Variants in FGD4 observed in about 807,000 individuals in gnomAD.
FGD4 encodes the protein FYVE, RhoGEF and PH domain-containing protein 4.
FGD4 carries 42 observed loss-of-function variants against 102.0 expected under a neutral mutation model. The ratio of observed to expected loss-of-function variants is 0.41; its 90% CI spans 0.32 to 0.53. The LOEUF is 0.53. FGD4 is among the 20% of genes least tolerant of loss of function. The pLI is 0.21. For missense variants in FGD4, 902 were observed against 1,078.2 expected, an observed-to-expected ratio of 0.84 and a Z score of 2.29; for synonymous variants, 380 against 375.7, an observed-to-expected ratio of 1.01 and a Z score of -0.13.
intron 1 of FGD4, among the ~76,000 whole-genome samples, chr12:32,556,251 A>AT (rs1036850929): frequency 5.9e-5 from 9 of 151,948 alleles, no homozygotes; most frequent in Non-Finnish European, 1.0e-4. Flanking sequence ...ATGCTTTAAA[A>AT]TTTTTTTTAA....
chr12:32,419,510 G>T (rs1000223839), intron 1 of FGD4, among the ~76,000 whole-genome samples: 1 of 152,166 alleles, frequency 6.6e-6, no homozygotes, highest in Non-Finnish European at 1.5e-5. Context: ...TCCCCACCAC[G>T]CAGCCACTGC....
intron 4 of FGD4, among the ~76,000 whole-genome samples, chr12:32,583,675 G>T (rs1340306933): frequency 1.3e-5 from 2 of 152,210 alleles, no homozygotes; most frequent in Non-Finnish European, 1.5e-5. Flanking sequence ...AGCTAAGAAA[G>T]AGCTGATTTG....
Position 32,399,597 on chromosome 12 carries a change from C to G in FGD4, c.-197C>G. On this transcript the variant is annotated 5_prime_UTR_variant, in exon 1 of 17. Coordinates refer to ENST00000534526, the MANE Select transcript of FGD4 (RefSeq NM_001370298.3). ...GCTGCGACTGCCGCAGGAGTCGCCG[C>G]AGCCAAACTCGCCGCGACGCCGGGA... The G allele has an allele frequency of 7.4e-7, 1 of 1,353,170 alleles. No homozygotes were observed. The highest frequency in any genetic ancestry group is 9.6e-7 in the Non-Finnish European group (1 of 1,041,782). 83.8% of individuals were successfully genotyped at this position (1,353,170 alleles called of 1,614,324 possible).
At chr12:32,438,655 G>A (rs1270071225) in intron 1 of FGD4, among the ~76,000 whole-genome samples, 1 of 151,148 alleles carries the variant, frequency 6.6e-6, no homozygotes, top group South Asian at 2.1e-4. Context: ...TGTCACCCAG[G>A]CTGGAGTGCA....
chr12:32,473,884 G>A (rs577703263), intron 1 of FGD4, among the ~76,000 whole-genome samples: 38 of 152,086 alleles, frequency 2.5e-4, no homozygotes, highest in African/African-American at 8.4e-4. Flanking sequence ...TCAGGAGATC[G>A]AGACCATCAT....
intron 1 of FGD4, among the ~76,000 whole-genome samples, chr12:32,535,067 C>G (rs191858104): frequency 1.6e-4 from 25 of 152,232 alleles, no homozygotes; most frequent in Non-Finnish European, 3.2e-4. Context: ...CCACTGTGGT[C>G]TCTTTGAGTG....
At chr12:32,418,535 TTCTCTTC>T (rs1941509641) in intron 1 of FGD4, among the ~76,000 whole-genome samples, 2 of 152,152 alleles carry the variant, frequency 1.3e-5, no homozygotes, top group Admixed American at 1.3e-4. Context: ...GAGACTCTTG[TTCTCTTC>T]CTTTATTTTC....
intron 1 of FGD4, among the ~76,000 whole-genome samples, chr12:32,535,851 T>C (rs1023477852): frequency 2.0e-5 from 3 of 151,966 alleles, no homozygotes; most frequent in African/African-American, 7.3e-5. Context: ...GCTTGAGAGG[T>C]GAATGTTGAT....
At chr12:32,512,964 T>C (rs558482656) in intron 1 of FGD4, among the ~76,000 whole-genome samples, 2 of 152,336 alleles carry the variant, frequency 1.3e-5, no homozygotes, top group African/African-American at 2.4e-5. Context: ...GGTAGATTTA[T>C]ATACTTATCC....
chr12:32,576,782 C>T (rs1946161823), intron 3 of FGD4, among the ~76,000 whole-genome samples: 3 of 152,074 alleles, frequency 2.0e-5, no homozygotes, highest in African/African-American at 7.2e-5. Flanking sequence ...TTCTGTGGGA[C>T]GCTCAATATC....
chr12:32,422,997 C>T (rs373572036), intron 1 of FGD4, among the ~76,000 whole-genome samples: 20 of 152,062 alleles, frequency 1.3e-4, no homozygotes, highest in African/African-American at 4.1e-4. Context: ...GGGGGAGTGA[C>T]GATTTAAACC....
rs773609461 is a variant in FGD4, at chr12:32,602,176, A to G, written c.1263A>G (p.Arg421=). ...KRMQEWETTP[R]IGDILQKLAP... ...TTTGATACAGGGAAACTACTCCTAG[A>G]ATTGGAGACATCCTTCAGAAATTGG... The change falls in exon 7 of 17, where the codon AGA becomes AGG. Residue 421 remains arginine (R), a synonymous_variant. Coordinates refer to ENST00000534526, the MANE Select transcript of FGD4 (RefSeq NM_001370298.3). 61 of 1,613,958 alleles carry G rather than the reference A, an allele frequency of 3.8e-5. No individual in the cohort carries two copies. Among genetic ancestry groups the G allele is most frequent in the Non-Finnish European group, 4.9e-5 (58 of 1,180,024 alleles).
In FGD4 at chr12:32,564,149, G is replaced by A; in HGVS notation, c.179G>A (p.Cys60Tyr). 1 of 1,535,962 alleles carries A rather than the reference G, an allele frequency of 6.5e-7. No individual in the cohort carries two copies. The highest frequency in any genetic ancestry group is 8.7e-7 in the Non-Finnish European group (1 of 1,146,812). ...TGAACTCTTGCAGGCAGCAGTACCT[G>A]TCCAAAGATCGCTTTAGTTCCACCT... ...VPSGATGSSTCPKIALVPPCS... is the reference protein window; with the variant it reads ...VPSGATGSSTYPKIALVPPCS... Residue 60 changes from cysteine to tyrosine, a missense_variant, in exon 2 of 17, where the codon TGT becomes TAT. By Grantham distance (194) the Cys-to-Tyr change is radical. Around this residue, in one of 2 missense-constraint regions of FGD4, gnomAD observed 443 missense variants for 459.2 expected, o/e 0.96. Coordinates refer to ENST00000534526, the MANE Select transcript of FGD4 (RefSeq NM_001370298.3).
chr12:32,476,749 A>G (rs1018460014), intron 1 of FGD4, among the ~76,000 whole-genome samples: 2 of 152,230 alleles, frequency 1.3e-5, no homozygotes, highest in African/African-American at 4.8e-5. Flanking sequence ...GGCCTCTTAA[A>G]GATTAAGCTC....
chr12:32,568,285 T>C (rs1181648002), intron 2 of FGD4, among the ~76,000 whole-genome samples: 1 of 152,242 alleles, frequency 6.6e-6, no homozygotes, highest in East Asian at 1.9e-4. Flanking sequence ...TGGATCCAAA[T>C]TGGAATATGT....
At chr12:32,590,365 T>TTC (rs548103001) in intron 4 of FGD4, among the ~76,000 whole-genome samples, 89 of 149,878 alleles carry the variant, frequency 5.9e-4, no homozygotes, top group African/African-American at 1.7e-3. Flanking sequence ...TAAGTGGGTG[T>TTC]TCTCTCTCTC....
chr12:32,444,216 G>A (rs1328568316), intron 1 of FGD4, among the ~76,000 whole-genome samples: 1 of 151,648 alleles, frequency 6.6e-6, no homozygotes, highest in Non-Finnish European at 1.5e-5. Flanking sequence ...TAGAGACAGG[G>A]TCTTACTATG....
chr12:32,581,294 A>G (rs1946597019), intron 3 of FGD4, among the ~76,000 whole-genome samples: 1 of 152,250 alleles, frequency 6.6e-6, no homozygotes, highest in Non-Finnish European at 1.5e-5. Context: ...TAGAGTATGT[A>G]GAATCTCATA....
At chr12:32,432,537 G>T (rs1280334155) in intron 1 of FGD4, among the ~76,000 whole-genome samples, 2 of 151,586 alleles carry the variant, frequency 1.3e-5, no homozygotes, top group African/African-American at 2.4e-5. Flanking sequence ...CCAGGAGGCG[G>T]AGGTTGCAGT....
Sources: gnomAD v4.1 joint callset for allele counts (sites outside exome capture counted in the v4.1 genomes callset) on GRCh38, gnomAD v4.1.1 for gene constraint, gnomAD v4.1.1 regional missense constraint, MANE v1.5 for transcripts, NCBI Gene and HGNC (gene_info 2026-07-23, HGNC 2026-07-21) for gene names.